The following COG5 variants were observed in gnomAD, a reference collection of about 807,000 sequenced individuals.
COG5 encodes the protein component of oligomeric golgi complex 5.
A neutral mutation model predicts 110.4 loss-of-function variants in COG5; 86 were observed. The observed-to-expected ratio is 0.78, with a 90% CI of 0.65 to 0.93. The LOEUF (loss-of-function observed/expected upper bound fraction) is 0.93, where lower values mean the gene tolerates loss of function less well. COG5 is among the 40% of genes least tolerant of loss of function. The pLI, the probability that COG5 is intolerant of heterozygous loss-of-function variation, is 0.00. For synonymous variants in COG5, 360 were observed against 334.6 expected (o/e 1.08, Z -0.83); for missense variants, 1,077 against 987.0 (o/e 1.09, Z -1.22).
intron 1 of COG5, among the ~76,000 whole-genome samples, chr7:107,561,663 G>A (rs1803781376): frequency 6.6e-6 from 1 of 152,178 alleles, no homozygotes; most frequent in Non-Finnish European, 1.5e-5. Flanking sequence ...AGCAAAGTAG[G>A]AGGCACTATC....
intron 8 of COG5, among the ~76,000 whole-genome samples, chr7:107,364,269 T>A (rs1813400304): frequency 6.6e-6 from 1 of 152,158 alleles, no homozygotes; most frequent in African/African-American, 2.4e-5. Flanking sequence ...CCAAAAAATG[T>A]TAATGCCATT....
At chr7:107,219,642 A>G (rs1040127882) in intron 19 of COG5, among the ~76,000 whole-genome samples, 1 of 152,190 alleles carries the variant, frequency 6.6e-6, no homozygotes, top group African/African-American at 2.4e-5. Flanking sequence ...TAGAACTCAT[A>G]GAGGCAGAGA....
At chr7:107,250,181 C>T (rs1014310072) in intron 16 of COG5, among the ~76,000 whole-genome samples, 1 of 152,092 alleles carries the variant, frequency 6.6e-6, no homozygotes, top group African/African-American at 2.4e-5. Context: ...GGCAGTGGTA[C>T]AGAGCTGCTG....
Position 107,371,449 on chromosome 7 carries a change from A to G in COG5, c.835+1146T>C, listed in dbSNP as rs1413959587. On this transcript the variant is annotated intron_variant, in intron 8 of 21. Coordinates refer to ENST00000297135, the MANE Select transcript of COG5 (RefSeq NM_006348.5). Reference sequence around the variant, plus strand: ...TATTTTTTTAAATAAAAAATTAACAATCTAAAAAAAATTAAAAATTAATAA... The same window carrying G: ...TATTTTTTTAAATAAAAAATTAACAGTCTAAAAAAAATTAAAAATTAATAA... Among the ~76,000 whole-genome samples, 3 of 152,214 alleles carry G rather than the reference A, an allele frequency of 2.0e-5. No homozygotes were observed. In the East Asian group the frequency reaches 5.8e-4, roughly 29 times the overall value.
chr7:107,553,490 A>G (rs1803077431), intron 3 of COG5, among the ~76,000 whole-genome samples: 1 of 152,218 alleles, frequency 6.6e-6, no homozygotes, highest in Non-Finnish European at 1.5e-5. Flanking sequence ...GCATCACAGA[A>G]AACAATATCC....
At chr7:107,218,802 G>A (rs1346089751) in intron 19 of COG5, among the ~76,000 whole-genome samples, 1 of 152,054 alleles carries the variant, frequency 6.6e-6, no homozygotes, top group Non-Finnish European at 1.5e-5. Flanking sequence ...ACACTGGTCT[G>A]GGAGGTAACT....
intron 6 of COG5, among the ~76,000 whole-genome samples, chr7:107,522,064 G>T (rs1358128246): frequency 6.6e-6 from 1 of 152,120 alleles, no homozygotes. Flanking sequence ...AATGGGAGTT[G>T]AACAACGAGA....
chr7:107,312,651 A>C (rs1364756053), intron 11 of COG5, among the ~76,000 whole-genome samples: 1 of 152,198 alleles, frequency 6.6e-6, no homozygotes, highest in Non-Finnish European at 1.5e-5. Flanking sequence ...TTCAGGCTTA[A>C]GTATGAGATA....
intron 10 of COG5, among the ~76,000 whole-genome samples, chr7:107,333,880 C>T (rs1810477689): frequency 6.6e-6 from 1 of 152,024 alleles, no homozygotes; most frequent in Admixed American, 6.5e-5. Flanking sequence ...CTCATACTTA[C>T]CTAGAGATCA....
intron 12 of COG5, among the ~76,000 whole-genome samples, chr7:107,284,500 C>T (rs1462599344): frequency 1.3e-5 from 2 of 152,148 alleles, no homozygotes; most frequent in Non-Finnish European, 2.9e-5. Context: ...GGGAAGTGTA[C>T]AGACTTAGGT....
At chr7:107,556,868 T>C (rs1292736823) in intron 2 of COG5, among the ~76,000 whole-genome samples, 1 of 152,044 alleles carries the variant, frequency 6.6e-6, no homozygotes, top group Non-Finnish European at 1.5e-5. Flanking sequence ...ACTCCCAGGT[T>C]CAAGTGATTC....
chr7:107,238,039 A>C (rs940739390), intron 17 of COG5, among the ~76,000 whole-genome samples: 1 of 152,184 alleles, frequency 6.6e-6, no homozygotes, highest in Non-Finnish European at 1.5e-5. Flanking sequence ...CAGTAATGTT[A>C]TATGTATACA....
At chr7:107,434,042 C>A (rs1437444821) in intron 6 of COG5, among the ~76,000 whole-genome samples, 1 of 152,076 alleles carries the variant, frequency 6.6e-6, no homozygotes, top group Non-Finnish European at 1.5e-5. Flanking sequence ...AGGTGGCCAA[C>A]AAGCACATGA....
rs374402677 is a variant in COG5 at position 107,211,162 on chromosome 7, C to T, written c.2232G>A (p.Pro744=). The change falls in exon 20 of 22, where the codon CCG becomes CCA. Residue 744 remains proline, a synonymous_variant. Transcript: ENST00000297135. ...ACAAAAACTGAATAATGATGCTGAACGGAATCACATCCCCCAATGCAGGAC... is the reference window on the plus strand; with the variant it reads ...ACAAAAACTGAATAATGATGCTGAATGGAATCACATCCCCCAATGCAGGAC... ...ASSPALGDVI[P]FSIIIQFLFT... 44 of 1,613,934 alleles carry T rather than the reference C, an allele frequency of 2.7e-5. No individual in the cohort carries two copies. The African/African-American group carries it at 2.8e-4, about 10-fold the overall frequency.
At chr7:107,297,786 A>G (rs1806887825) in intron 12 of COG5, among the ~76,000 whole-genome samples, 1 of 152,116 alleles carries the variant, frequency 6.6e-6, no homozygotes. Flanking sequence ...TTTATGTCAC[A>G]TTTATGCAAG....
chr7:107,443,247 G>A (rs946376949), intron 6 of COG5, among the ~76,000 whole-genome samples: 7 of 151,930 alleles, frequency 4.6e-5, no homozygotes, highest in Admixed American at 6.6e-5. Context: ...GAAAGAGCCC[G>A]GCATAAAAGA....
At chr7:107,319,097 A>ATT (rs35993880) in intron 11 of COG5, among the ~76,000 whole-genome samples, 1 of 141,686 alleles carries the variant, frequency 7.1e-6, no homozygotes. Flanking sequence ...TAGTTCACTG[A>ATT]TTTTTTTTTT....
At chr7:107,256,634 G>A in intron 16 of COG5, 98 bp downstream of exon 16, 1 of 760,732 alleles carries the variant, frequency 1.3e-6, no homozygotes, top group Admixed American at 2.0e-5. Context: ...ATATATAGAG[G>A]ATTCTGAATT....
chr7:107,318,201 G>T (rs911240808), intron 11 of COG5, among the ~76,000 whole-genome samples: 13 of 151,892 alleles, frequency 8.6e-5, no homozygotes, highest in African/African-American at 3.1e-4. Context: ...CTAATTTTTT[G>T]TATTTTAGAA....
Sources: allele counts gnomAD v4.1 joint callset (sites outside exome capture counted in the v4.1 genomes callset), GRCh38; gene constraint gnomAD v4.1.1; transcripts MANE v1.5; gene names NCBI Gene and HGNC (gene_info 2026-07-23, HGNC 2026-07-21).